Variants in ASPH observed in about 807,000 individuals in gnomAD.
ASPH encodes aspartate beta-hydroxylase.
Under a neutral mutation model 118.4 loss-of-function variants are expected in ASPH, and 100 were observed. That is an observed-to-expected ratio of 0.84 (90% CI 0.72 to 1.00). The LOEUF is 1.00. ASPH is among the 50% of genes least tolerant of loss of function. The pLI, the probability that ASPH is intolerant of heterozygous loss-of-function variation, is 0.00. For missense variants in ASPH, 920 were observed against 919.5 expected (o/e 1.00, Z -0.01); for synonymous variants, 315 against 325.6 (o/e 0.97, Z 0.35).
intron 8 of ASPH, 22 bp from the exon 9 acceptor site, chr8:61,643,455 T>C: frequency 6.3e-7 from 1 of 1,599,394 alleles, no homozygotes; most frequent in Non-Finnish European, 8.5e-7. Context: ...AAACACACCT[T>C]TGCCAAACAG....
At chr8:61,511,874 G>A (rs796229946) in intron 24 of ASPH, among the ~76,000 whole-genome samples, 16 of 152,256 alleles carry the variant, frequency 1.1e-4, no homozygotes, top group African/African-American at 3.9e-4. Flanking sequence ...AAAGTACTGG[G>A]ATTACAGGTG....
chr8:61,685,667 T>C (rs1316824959), intron 1 of ASPH, among the ~76,000 whole-genome samples: 1 of 152,074 alleles, frequency 6.6e-6, no homozygotes, highest in Non-Finnish European at 1.5e-5. Context: ...GATATATGCA[T>C]TTTTTAAAAA....
chr8:61,684,285 A>G, intron 1 of ASPH, 97 bp from the exon 2 acceptor site: 6 of 1,237,108 alleles, frequency 4.9e-6, no homozygotes, highest in Non-Finnish European at 6.5e-6. Flanking sequence ...ATTATGTACA[A>G]TGATAGATCA....
chr8:61,576,208 C>G (rs7821818), intron 16 of ASPH, among the ~76,000 whole-genome samples: 6,529 of 152,212 alleles, frequency 0.043, 445 homozygotes, highest in African/African-American at 0.15. Context: ...GCCTAAAACA[C>G]TGACATACAG....
At chr8:61,529,730 T>C (rs1363386152) in intron 21 of ASPH, among the ~76,000 whole-genome samples, 1 of 152,222 alleles carries the variant, frequency 6.6e-6, no homozygotes, top group Non-Finnish European at 1.5e-5. Flanking sequence ...TTTCCCACAG[T>C]TCTGGAGTAT....
intron 3 of ASPH, among the ~76,000 whole-genome samples, chr8:61,677,487 C>T (rs925053999): frequency 1.3e-5 from 2 of 151,986 alleles, no homozygotes; most frequent in African/African-American, 4.8e-5. Context: ...AGTATAACTA[C>T]CAGCAATCAA....
intron 1 of ASPH, among the ~76,000 whole-genome samples, chr8:61,703,534 C>T (rs965962924): frequency 1.3e-5 from 2 of 151,410 alleles, no homozygotes; most frequent in African/African-American, 4.9e-5. Context: ...TCAAAAAATA[C>T]AAAATATTTA....
At chr8:61,627,704 GTAT>G (rs567879328) in intron 13 of ASPH, among the ~76,000 whole-genome samples, 30 of 152,266 alleles carry the variant, frequency 2.0e-4, no homozygotes, top group Non-Finnish European at 3.7e-4. Context: ...ATAACAATGA[GTAT>G]TTATAAAAAG....
At chr8:61,525,495 T>C (rs1035691370) in intron 22 of ASPH, among the ~76,000 whole-genome samples, 11 of 152,304 alleles carry the variant, frequency 7.2e-5, no homozygotes, top group Admixed American at 7.2e-4. Flanking sequence ...GTCTTGTCAC[T>C]CTGGTGTGTT....
intron 1 of ASPH, among the ~76,000 whole-genome samples, chr8:61,692,596 C>A (rs1832881329): frequency 6.6e-6 from 1 of 152,160 alleles, no homozygotes; most frequent in Non-Finnish European, 1.5e-5. Flanking sequence ...CAAAAACCTT[C>A]CAGGTGAAAA....
In ASPH at chr8:61,589,941, T is replaced by C. The variant is rs111613466; in HGVS notation, c.977-5912A>G. Among the ~76,000 whole-genome samples the C allele has an allele frequency of 7.8e-3, 1,190 of 152,292 alleles. 12 individuals carry two copies. Among genetic ancestry groups the C allele is most frequent in the African/African-American group, 0.026 (1,092 of 41,540 alleles). ...CTTGGGGAAACTAAAAACTTCTGTA[T>C]ACCCAGGGAGAGGTAGCATTCTGGC... On this transcript the variant is annotated intron_variant, in intron 14 of 24. Transcript: ENST00000379454.
intron 15 of ASPH, chr8:61,578,808 A>C: frequency 6.2e-7 from 1 of 1,605,082 alleles, no homozygotes; most frequent in East Asian, 2.2e-5. Context: ...TGTCCTCATC[A>C]AGAAGGATGT....
chr8:61,714,141 G>A, intron 1 of ASPH, 128 bp downstream of exon 1: 6 of 1,256,334 alleles, frequency 4.8e-6, no homozygotes, highest in Non-Finnish European at 6.0e-6. Flanking sequence ...GCCTAAAGGA[G>A]GAGCGTCGCG....
At chr8:61,603,815 G>T (rs1372825428) in intron 14 of ASPH, among the ~76,000 whole-genome samples, 2 of 152,126 alleles carry the variant, frequency 1.3e-5, no homozygotes, top group Non-Finnish European at 2.9e-5. Flanking sequence ...AAATGCTCTG[G>T]GAACAGAAAG....
chr8:61,645,220 A>C (rs1336991098), intron 6 of ASPH, among the ~76,000 whole-genome samples: 4 of 152,154 alleles, frequency 2.6e-5, no homozygotes, highest in Non-Finnish European at 5.9e-5. Context: ...ACCAACTTTT[A>C]AGTTCAAACT....
At chr8:61,568,919 G>C (rs1832645289) in intron 16 of ASPH, among the ~76,000 whole-genome samples, 1 of 152,172 alleles carries the variant, frequency 6.6e-6, no homozygotes, top group African/African-American at 2.4e-5. Flanking sequence ...GTGCAGACAA[G>C]GGGAGTTCTT....
At chr8:61,620,099 G>A (rs543627514) in intron 13 of ASPH, among the ~76,000 whole-genome samples, 34 of 152,260 alleles carry the variant, frequency 2.2e-4, no homozygotes, top group African/African-American at 5.8e-4. Context: ...TTTAATGCAG[G>A]GAAGGGATTT....
chr8:61,636,293 T>A (rs1857689856), intron 12 of ASPH, among the ~76,000 whole-genome samples: 1 of 152,172 alleles, frequency 6.6e-6, no homozygotes, highest in African/African-American at 2.4e-5. Context: ...GACAAGGGGC[T>A]ATACAAGAGC....
Position 61,555,990 on chromosome 8 carries a change from A to G in ASPH, c.1470T>C (p.Ala490=), listed in dbSNP as rs778669191. ...TCAGGATGAAGCCATAATGGACTTTAGCAAAGCCATCATTAGGTGTCACAC... is the reference window on the plus strand; with the variant it reads ...TCAGGATGAAGCCATAATGGACTTTGGCAAAGCCATCATTAGGTGTCACAC... ...VLSVTPNDGF[A]KVHYGFILKA... The change falls in exon 19 of 25, where the codon GCT becomes GCC. Residue 490 remains alanine, a synonymous_variant. Transcript: ENST00000379454. 2 of 1,614,080 alleles carry G rather than the reference A, an allele frequency of 1.2e-6. No individual in the cohort carries two copies. Among genetic ancestry groups the G allele is most frequent in the South Asian group, 2.2e-5 (2 of 91,062 alleles).
Sources: gnomAD v4.1 joint callset for allele counts (sites outside exome capture counted in the v4.1 genomes callset) on GRCh38, gnomAD v4.1.1 for gene constraint, MANE v1.5 for transcripts, NCBI Gene and HGNC (gene_info 2026-07-23, HGNC 2026-07-21) for gene names.